The following GCN1 variants were observed in gnomAD, a reference collection of about 807,000 sequenced individuals.
GCN1 encodes GCN1 activator of EIF2AK4.
Under a neutral mutation model 288.4 loss-of-function variants are expected in GCN1, and 90 were observed. The observed-to-expected ratio is 0.31, with a 90% CI of 0.26 to 0.37. GCN1 has a LOEUF of 0.37. Among genes scored for constraint, GCN1 ranks in the 10% least tolerant of loss-of-function variants. The pLI is 1.00. For missense variants in GCN1, 2,586 were observed against 3,419.9 expected (o/e 0.76, Z 6.08); for synonymous variants, 1,386 against 1,420.2 (o/e 0.98, Z 0.54).
intron 55 of GCN1, 65 bp downstream of exon 55, chr12:120,131,120 G>C: frequency 6.8e-7 from 1 of 1,476,470 alleles, no homozygotes; most frequent in South Asian, 1.2e-5. Context: ...CACCCGCGCT[G>C]TGTCCACAAG....
intron 16 of GCN1, among the ~76,000 whole-genome samples, chr12:120,165,000 TATACACACACACAC>T (rs1401713670): frequency 1.6e-5 from 1 of 62,388 alleles, no homozygotes; most frequent in African/African-American, 5.3e-5. Flanking sequence ...TATACACATA[TATACACACACACAC>T]ACACACACAC....
intron 51 of GCN1, among the ~76,000 whole-genome samples, chr12:120,135,654 C>T (rs1188795120): frequency 6.6e-6 from 1 of 152,084 alleles, no homozygotes; most frequent in South Asian, 2.1e-4. Flanking sequence ...TGAGCCACCA[C>T]GCCCGGCTTA....
chr12:120,139,975 T>C (rs912678543), intron 45 of GCN1, among the ~76,000 whole-genome samples: 2 of 152,240 alleles, frequency 1.3e-5, no homozygotes, highest in African/African-American at 2.4e-5. Context: ...ATGTGGGCCT[T>C]GCCATTGGAC....
intron 16 of GCN1, among the ~76,000 whole-genome samples, chr12:120,166,177 C>G (rs1038235070): frequency 6.6e-6 from 1 of 151,706 alleles, no homozygotes; most frequent in Non-Finnish European, 1.5e-5. Flanking sequence ...CCAAAGCAGG[C>G]AGGTCACCTG....
chr12:120,193,368 C>T (rs1302181238), intron 1 of GCN1, among the ~76,000 whole-genome samples: 2 of 152,092 alleles, frequency 1.3e-5, no homozygotes, highest in East Asian at 3.9e-4. Flanking sequence ...CGCAGTGGTG[C>T]GATCTCAGCT....
Position 120,149,650 on chromosome 12 carries a change from G to A in GCN1, c.4502C>T (p.Ser1501Phe). ...SAHGVKLVLP[S>F]LLAALEEESW... Reference sequence around the variant, plus strand: ...TTCCTCCTCCAGGGCAGCCAGTAAGGAGGGGAGCACCAGCTTCACCCCGTG... The same window carrying A: ...TTCCTCCTCCAGGGCAGCCAGTAAGAAGGGGAGCACCAGCTTCACCCCGTG... The change falls in exon 36 of 58, where the codon TCC becomes TTC. Residue 1501 changes from serine to phenylalanine, a missense_variant. Coordinates refer to ENST00000300648, the MANE Select transcript of GCN1 (RefSeq NM_006836.2). 1.2e-6 allele frequency: 2 copies of A among 1,614,026 alleles called. No homozygotes were observed. The highest frequency in any genetic ancestry group is 1.7e-6 in the Non-Finnish European group (2 of 1,179,970).
chr12:120,147,843 C>A (rs1877411731), intron 37 of GCN1, among the ~76,000 whole-genome samples: 1 of 152,126 alleles, frequency 6.6e-6, no homozygotes, highest in African/African-American at 2.4e-5. Context: ...TAATCCTAAC[C>A]CTTCCTTAAC....
intron 44 of GCN1, 120 bp from the exon 45 acceptor site, chr12:120,141,143 T>TC: frequency 1.2e-6 from 1 of 823,686 alleles, no homozygotes; most frequent in Non-Finnish European, 1.9e-6. Flanking sequence ...TGACTTAACT[T>TC]CCCCAAATGC....
rs1466761063 is a variant in GCN1, at chr12:120,153,840, A to G, written c.3771T>C (p.Phe1257=). 6.2e-7 allele frequency: 1 copy of G among 1,614,102 alleles called. No homozygotes were observed. The highest frequency in any genetic ancestry group is 2.2e-5 in the East Asian group (1 of 44,882). Residue 1257 remains phenylalanine, a synonymous_variant, in exon 32 of 58, where the codon TTT becomes TTC. Transcript: ENST00000300648. The surrounding 1 kb of genome is among the most constrained non-coding windows in gnomAD (Gnocchi z 4.4). Reference sequence around the variant, plus strand: ...TGAGGGCATCAGGGACAAAAAACTGAAAGAGTGGCTTCACCTGAGAGCTGT... The same window carrying G: ...TGAGGGCATCAGGGACAAAAAACTGGAAGAGTGGCTTCACCTGAGAGCTGT... ...YLDSSQVKPL[F]QFFVPDALND...
chr12:120,128,480 CAT>C (rs367839401), intron 57 of GCN1, among the ~76,000 whole-genome samples: 71 of 152,104 alleles, frequency 4.7e-4, no homozygotes, highest in African/African-American at 1.7e-3. Flanking sequence ...AGATTACAGA[CAT>C]AGCGCCACCA....
Position 120,162,017 on chromosome 12 carries a change from C to T in GCN1, c.2205G>A (p.Pro735=), listed in dbSNP as rs375741812. 161 of 1,613,606 alleles carry T rather than the reference C, an allele frequency of 1.0e-4. No individual in the cohort carries two copies. In the African/African-American group the frequency reaches 1.2e-3, roughly 12 times the overall value. Reference sequence around the variant, plus strand: ...TGATGAGCTGTGGGAGGACCCGGTCCGGCGACAGGACGGAAAGGGAGCCCA... The same window carrying T: ...TGATGAGCTGTGGGAGGACCCGGTCTGGCGACAGGACGGAAAGGGAGCCCA... ...NAMGSLSVLS[P]DRVLPQLIST... Residue 735 remains proline (P), a synonymous_variant, in exon 21 of 58, where the codon CCG becomes CCA. Coordinates refer to ENST00000300648, the MANE Select transcript of GCN1 (RefSeq NM_006836.2).
chr12:120,183,762 G>T, intron 4 of GCN1, 85 bp from the exon 5 acceptor site: 1 of 801,610 alleles, frequency 1.2e-6, no homozygotes, highest in East Asian at 2.5e-5. Flanking sequence ...GCCTGGTAAT[G>T]CAGGACCCTC....
chr12:120,154,088 T>C (rs941940559), intron 31 of GCN1, among the ~76,000 whole-genome samples, 179 bp from the exon 32 acceptor site: 12 of 152,216 alleles, frequency 7.9e-5, no homozygotes, highest in African/African-American at 2.7e-4. Flanking sequence ...AACAACCCAC[T>C]TGTCATATGG....
chr12:120,184,272 A>C, intron 3 of GCN1, 29 bp from the exon 4 acceptor site: 1 of 1,601,670 alleles, frequency 6.2e-7, no homozygotes, highest in Non-Finnish European at 8.5e-7. Flanking sequence ...GAAAGGGTGA[A>C]CATGCAGACC....
chr12:120,184,966 A>G, intron 2 of GCN1, 79 bp from the exon 3 acceptor site: 5 of 933,814 alleles, frequency 5.4e-6, no homozygotes, highest in Non-Finnish European at 8.7e-6. Context: ...CTGCCCAGAC[A>G]TGATCTCAGC....
chr12:120,150,116 A>G, intron 34 of GCN1, 73 bp from the exon 35 acceptor site: 1 of 1,501,560 alleles, frequency 6.7e-7, no homozygotes. Flanking sequence ...CAGAAGGGAC[A>G]GCAACCTCCC....
intron 31 of GCN1, 124 bp downstream of exon 31, chr12:120,154,846 T>G (rs1877688100): frequency 8.1e-7 from 1 of 1,240,284 alleles, no homozygotes; most frequent in Admixed American, 1.8e-5. Context: ...AACTCAGGCC[T>G]CCCCGACTCT....
Position 120,161,877 on chromosome 12 carries a change from C to T in GCN1, c.2342+3G>A. The T allele has an allele frequency of 6.2e-7, 1 of 1,613,804 alleles. No homozygotes were observed. Among genetic ancestry groups the T allele is most frequent in the South Asian group, 1.1e-5 (1 of 91,052 alleles). On this transcript the variant is annotated splice_donor_region_variant and intron_variant, in intron 21 of 57. Coordinates refer to ENST00000300648, the MANE Select transcript of GCN1 (RefSeq NM_006836.2). The stretch of plus-strand genomic sequence containing the variant: ...GAAACTGAGCCCATAAGTGAGGTCT[C>T]ACCTCTGAATGATGGATTTGTCATA...
At chr12:120,178,428 G>C (rs1490225201) in intron 7 of GCN1, among the ~76,000 whole-genome samples, 197 bp downstream of exon 7, 5 of 152,228 alleles carry the variant, frequency 3.3e-5, no homozygotes, top group Non-Finnish European at 5.9e-5. Context: ...GCCAGAAACA[G>C]AAGGGAAACT....
Sources: allele counts gnomAD v4.1 joint callset (sites outside exome capture counted in the v4.1 genomes callset), GRCh38; gene constraint gnomAD v4.1.1; non-coding constraint Gnocchi (gnomAD v3.1); transcripts MANE v1.5; gene names NCBI Gene and HGNC (gene_info 2026-07-23, HGNC 2026-07-21).